Variants in CLCA4 observed in about 807,000 individuals in gnomAD.
CLCA4 encodes calcium-activated chloride channel regulator 4.
Under a neutral mutation model 78.9 loss-of-function variants are expected in CLCA4, and 69 were observed. The ratio of observed to expected loss-of-function variants is 0.87; its 90% CI spans 0.72 to 1.07. The LOEUF (loss-of-function observed/expected upper bound fraction) is 1.07, where lower values mean the gene tolerates loss of function less well. Ranked by LOEUF, CLCA4 falls within the 50% of genes least tolerant of loss-of-function variation. The probability of loss-of-function intolerance (pLI) is 0.00; values close to 1 mark genes in which losing one functional copy is unlikely to be tolerated. For missense variants in CLCA4, 1,133 were observed against 1,095.8 expected, an observed-to-expected ratio of 1.03 and a Z score of -0.48; for synonymous variants, 362 against 375.8, an observed-to-expected ratio of 0.96 and a Z score of 0.42.
rs970076460 is a variant in CLCA4 at position 86,579,648 on chromosome 1, G to A, written c.2356+61G>A. 5.6e-5 allele frequency: 64 copies of A among 1,149,340 alleles called. 1 individual carries two copies. The highest frequency in any genetic ancestry group is 8.1e-5 in the Non-Finnish European group (62 of 762,866). The allele number at this position is 1,149,340 out of a possible 1,614,324, so 71.2% of individuals were successfully genotyped here. A position where few individuals can be genotyped will look rare whatever the true frequency, so the allele number is the denominator to read the frequency against. ...AAAAGGTGCTAATTGCAAAAACAGG[G>A]GTGTAAGGGTGGGTGGGGGGAGAAT... On this transcript the variant is annotated intron_variant, in intron 13 of 13. Transcript: ENST00000370563.
At position 86,575,527 on chromosome 1, in the gene CLCA4, G is replaced by C. The variant is rs1291579484; in HGVS notation, c.1879G>C (p.Ala627Pro). Residue 627 changes from alanine to proline, a missense_variant, in exon 11 of 14, where the codon GCC becomes CCC. Transcript: ENST00000370563. ...ACAAGGATATGTACCTGTTCTTGGA[G>C]CCAATGTGACTGCTTTCATTGAATC... ...ILQGYVPVLGANVTAFIESQN... is the reference protein window; with the variant it reads ...ILQGYVPVLGPNVTAFIESQN... The C allele has an allele frequency of 6.2e-7, 1 of 1,613,426 alleles. No individual in the cohort carries two copies. The highest frequency in any genetic ancestry group is 1.7e-5 in the Admixed American group (1 of 59,950).
chr1:86,579,566 G>GC lies in CLCA4; in HGVS notation c.2335_2336insC (p.Asp779AlafsTer2). On this transcript the variant is annotated frameshift_variant, in exon 13 of 14. Transcript: ENST00000370563. LOFTEE classifies it low-confidence loss of function (END_TRUNC). ...TATTCTTACATGGACAGCACCAGGAGATAATTTTGATGTTGGAAAAGGTAA... is the reference window on the plus strand; with the variant it reads ...TATTCTTACATGGACAGCACCAGGAGCATAATTTTGATGTTGGAAAAGGTAA... The GC allele has an allele frequency of 7.1e-7, 1 of 1,407,610 alleles. No homozygotes were observed. Among genetic ancestry groups the GC allele is most frequent in the Non-Finnish European group, 9.5e-7 (1 of 1,048,320 alleles). 87.2% of individuals were successfully genotyped at this position (1,407,610 alleles called of 1,614,324 possible).
Position 86,565,906 on chromosome 1 carries a change from G to A in CLCA4, c.840G>A (p.Glu280=). 3 of 1,612,674 alleles carry A rather than the reference G, an allele frequency of 1.9e-6. No homozygotes were observed. Among genetic ancestry groups the A allele is most frequent in the Non-Finnish European group, 2.5e-6 (3 of 1,178,912 alleles). ...RSTWEVISNS[E]DFKNTIPMVT... ...CATGGGAGGTGATTAGCAATTCTGA[G>A]GATTTTAAAAACACCATACCCATGG... is the stretch of plus-strand genomic sequence containing the variant. Residue 280 remains glutamate (E), a synonymous_variant, in exon 6 of 14, where the codon GAG becomes GAA. Transcript: ENST00000370563.
chr1:86,574,684 A>G lies in CLCA4; in HGVS notation c.1612A>G (p.Thr538Ala). ...PSISLWDPSGTIMENFTVDAT... is the reference protein window; with the variant it reads ...PSISLWDPSGAIMENFTVDAT... ...TATTTCTCTCTGGGATCCCAGTGGAACAATAATGGAAAATTTCACAGTGGA... is the reference window on the plus strand; with the variant it reads ...TATTTCTCTCTGGGATCCCAGTGGAGCAATAATGGAAAATTTCACAGTGGA... Residue 538 changes from threonine to alanine, a missense_variant, in exon 10 of 14, where the codon ACA (threonine) becomes GCA (alanine). Transcript: ENST00000370563. 1 of 1,613,360 alleles carries G rather than the reference A, an allele frequency of 6.2e-7. No individual in the cohort carries two copies. Among genetic ancestry groups the G allele is most frequent in the South Asian group, 1.1e-5 (1 of 91,058 alleles).
chr1:86,559,311 A>G (rs1311737986), intron 1 of CLCA4, among the ~76,000 whole-genome samples: 2 of 151,938 alleles, frequency 1.3e-5, no homozygotes, highest in African/African-American at 4.8e-5. Flanking sequence ...CACACCTCCC[A>G]CCCACACAGT....
chr1:86,565,207 C>A, intron 4 of CLCA4, 67 bp from the exon 5 acceptor site: 1 of 1,103,664 alleles, frequency 9.1e-7, no homozygotes, highest in Non-Finnish European at 1.3e-6. Flanking sequence ...ATGAATAGAA[C>A]CACTTAAGAT....
Position 86,560,228 on chromosome 1 carries a change from A to G in CLCA4, c.318A>G (p.Ala106=), listed in dbSNP as rs1649975854. Residue 106 remains alanine (A), a synonymous_variant, in exon 3 of 14, where the codon GCA becomes GCG. Transcript: ENST00000370563. ...ATTCTCAGGCTGATGTTATAGTTGC[A>G]CCACCTACACTCCCAGGTAGAGATG... The part of the protein sequence containing the change: ...ENHKHADVIV[A]PPTLPGRDEP... 3 of 1,609,102 alleles carry G rather than the reference A, an allele frequency of 1.9e-6. No homozygotes were observed. Among genetic ancestry groups the G allele is most frequent in the African/African-American group, 2.7e-5 (2 of 74,592 alleles).
chr1:86,578,046 C>T lies in CLCA4; in HGVS notation c.2096C>T (p.Ala699Val), dbSNP rs1341297561. ...LKLRPPLNRA[A>V]YIPGWVVNGE... ...TTACGGCCTCCACTGAATAGAGCCGCGTACATACCAGGCTGGGTAGTGAAC... is the reference window on the plus strand; with the variant it reads ...TTACGGCCTCCACTGAATAGAGCCGTGTACATACCAGGCTGGGTAGTGAAC... The change falls in exon 12 of 14, where the codon GCG becomes GTG. Residue 699 changes from alanine (A) to valine (V), a missense_variant. Coordinates refer to ENST00000370563, the MANE Select transcript of CLCA4 (RefSeq NM_012128.4). 24 of 1,612,130 alleles carry T rather than the reference C, an allele frequency of 1.5e-5. No individual in the cohort carries two copies. Among genetic ancestry groups the T allele is most frequent in the South Asian group, 6.6e-5 (6 of 90,898 alleles).
chr1:86,568,061 G>A (rs1053878999), intron 7 of CLCA4, among the ~76,000 whole-genome samples: 1 of 151,918 alleles, frequency 6.6e-6, no homozygotes, highest in African/African-American at 2.4e-5. Flanking sequence ...CATTCAGCTA[G>A]GGCAAACTAT....
intron 1 of CLCA4, among the ~76,000 whole-genome samples, chr1:86,554,294 T>C (rs921511913): frequency 1.3e-5 from 2 of 152,220 alleles, no homozygotes; most frequent in Non-Finnish European, 2.9e-5. Flanking sequence ...AGCCTACAGC[T>C]CCACCCATGT....
At chr1:86,552,557 A>G (rs1396539067) in intron 1 of CLCA4, 2 of 550,492 alleles carry the variant, frequency 3.6e-6, no homozygotes, top group Non-Finnish European at 3.3e-6. Context: ...CGCACCCTCT[A>G]CGGGAGCCAG....
chr1:86,552,954 G>T, intron 1 of CLCA4: 2 of 631,636 alleles, frequency 3.2e-6, no homozygotes, highest in South Asian at 1.9e-5. Flanking sequence ...GTGCTGAGGT[G>T]ACTGGGCAAA....
intron 1 of CLCA4, among the ~76,000 whole-genome samples, chr1:86,558,931 C>T (rs773567764): frequency 6.6e-6 from 1 of 152,092 alleles, no homozygotes; most frequent in Non-Finnish European, 1.5e-5. Flanking sequence ...TGATGGGGTT[C>T]CCTTTGTAGG....
At chr1:86,556,894 G>A (rs113815050) in intron 1 of CLCA4, among the ~76,000 whole-genome samples, 6,651 of 152,092 alleles carry the variant, frequency 0.044, 474 homozygotes, top group African/African-American at 0.15. Context: ...GTCTGTTCAG[G>A]GAATCAATTT....
chr1:86,571,447 T>A (rs561160121), intron 8 of CLCA4, 193 bp downstream of exon 8: 46 of 503,758 alleles, frequency 9.1e-5, no homozygotes, highest in African/African-American at 8.4e-4. Context: ...AATAACATAA[T>A]CAGATAGCAT....
intron 1 of CLCA4, among the ~76,000 whole-genome samples, chr1:86,556,201 T>G: frequency 6.6e-6 from 1 of 152,194 alleles, no homozygotes; most frequent in East Asian, 1.9e-4. Context: ...TATTTATTTC[T>G]CTTGCCTGAT....
intron 9 of CLCA4, 61 bp from the exon 10 acceptor site, chr1:86,574,479 T>C: frequency 7.1e-7 from 1 of 1,403,298 alleles, no homozygotes; most frequent in Non-Finnish European, 1.0e-6. Context: ...AAAAACCATC[T>C]TGAAAAAAGA....
rs190677985 is a variant in CLCA4, at chr1:86,566,021, G to A, written c.954+1G>A. ...TCTTGATAAGTCTGGAAGCATGGGG[G>A]TAAGATCACTTTTTCTGGATATAGG... On this transcript the variant is annotated splice_donor_variant, in intron 6 of 13. Transcript: ENST00000370563. LOFTEE classifies it high-confidence loss of function. 2 of 1,609,630 alleles carry A rather than the reference G, an allele frequency of 1.2e-6. No individual in the cohort carries two copies. The highest frequency in any genetic ancestry group is 2.2e-5 in the South Asian group (2 of 90,658).
intron 4 of CLCA4, among the ~76,000 whole-genome samples, chr1:86,563,989 C>T (rs894591954): frequency 1.6e-4 from 24 of 151,918 alleles, no homozygotes; most frequent in African/African-American, 5.1e-4. Flanking sequence ...TATTTTATAC[C>T]TCTCTACCAT....
Sources: gnomAD v4.1 joint callset for allele counts (sites outside exome capture counted in the v4.1 genomes callset) on GRCh38, gnomAD v4.1.1 for gene constraint, MANE v1.5 for transcripts, NCBI Gene and HGNC (gene_info 2026-07-23, HGNC 2026-07-21) for gene names.